The following BOP1 variants were observed in gnomAD, a reference collection of about 807,000 sequenced individuals.
BOP1 encodes BOP1 ribosomal biogenesis factor.
A neutral mutation model predicts 82.9 loss-of-function variants in BOP1; 54 were observed. That is an observed-to-expected ratio of 0.65 (90% CI 0.52 to 0.82). The LOEUF is 0.82. BOP1 is among the 40% of genes least tolerant of loss of function. The probability of loss-of-function intolerance (pLI) is 0.00; values close to 1 mark genes in which losing one functional copy is unlikely to be tolerated. For missense variants in BOP1, 1,170 were observed against 1,072.0 expected, an observed-to-expected ratio of 1.09 and a Z score of -1.28; for synonymous variants, 566 against 451.1, an observed-to-expected ratio of 1.25 and a Z score of -3.23.
chr8:144,266,498 C>CG (rs1482408579), intron 3 of BOP1: 67 of 986,934 alleles, frequency 6.8e-5, no homozygotes, highest in Middle Eastern at 1.0e-3. Flanking sequence ...GCTGCCACCG[C>CG]GGGGCGCAGC....
chr8:144,268,552 A>C, intron 3 of BOP1: 1 of 253,876 alleles, frequency 3.9e-6, no homozygotes, highest in Non-Finnish European at 7.6e-6. Flanking sequence ...CTCCATTCCC[A>C]CCCTTGGTGG....
chr8:144,270,228 G>C (rs1845470203), intron 3 of BOP1, among the ~76,000 whole-genome samples: 1 of 152,226 alleles, frequency 6.6e-6, no homozygotes, highest in Non-Finnish European at 1.5e-5. Context: ...GAATGCAGGA[G>C]GCCAGACAGG....
chr8:144,265,234 GTCT>G, intron 3 of BOP1, 163 bp from the exon 4 acceptor site: 4 of 813,646 alleles, frequency 4.9e-6, no homozygotes, highest in Non-Finnish European at 7.6e-6. Flanking sequence ...CAGCCCTGGG[GTCT>G]GACGTGGCAT....
At chr8:144,277,832 C>CAGGCAGGGGCGGTGCAGG (rs1588600619) in intron 2 of BOP1, among the ~76,000 whole-genome samples, 4 of 55,932 alleles carry the variant, frequency 7.2e-5, no homozygotes, top group South Asian at 5.9e-4. Flanking sequence ...GCAGGGGCGG[C>CAGGCAGGGGCGGTGCAGG]CACTGCTGGG....
At position 144,264,208 on chromosome 8, in the gene BOP1, C is replaced by G; in HGVS notation, c.978+17G>C. ...AAGCATGGGGACAGGGTCCCGGCCC[C>G]CAGGATGCAGGCCCACCTCCTCCTC... On this transcript the variant is annotated intron_variant, in intron 7 of 15. Transcript: ENST00000569669. The G allele has an allele frequency of 6.2e-7, 1 of 1,607,490 alleles. No individual in the cohort carries two copies. The highest frequency in any genetic ancestry group is 8.5e-7 in the Non-Finnish European group (1 of 1,177,986).
chr8:144,262,696 G>A (rs1845236790), intron 13 of BOP1, 24 bp from the exon 14 acceptor site: 1 of 1,611,428 alleles, frequency 6.2e-7, no homozygotes. Context: ...CTGTGATGCA[G>A]GTGTTCCCGC....
At chr8:144,272,225 C>G (rs1293583009) in intron 3 of BOP1, among the ~76,000 whole-genome samples, 1 of 152,102 alleles carries the variant, frequency 6.6e-6, no homozygotes, top group African/African-American at 2.4e-5. Context: ...CCCCACAACT[C>G]AGAGCTACAA....
chr8:144,264,002 G>A lies in BOP1; in HGVS notation c.1119C>T (p.Cys373=), dbSNP rs1383493541. 53 of 1,609,132 alleles carry A rather than the reference G, an allele frequency of 3.3e-5. No homozygotes were observed. The highest frequency in any genetic ancestry group is 4.3e-5 in the Non-Finnish European group (51 of 1,179,798). ...RFERCLDLYL[C]PRQRKMRVNV... is the part of the protein sequence containing the mutation. ...ACACCCTCATCTTGCGCTGCCGTGG[G>A]CACAGGTACAGGTCAAGGCAGCGCT... The change falls in exon 8 of 16, where the codon TGC becomes TGT. Residue 373 remains cysteine (C), a synonymous_variant. Coordinates refer to ENST00000569669, the MANE Select transcript of BOP1 (RefSeq NM_015201.5).
chr8:144,279,956 C>T (rs747868863), intron 2 of BOP1, among the ~76,000 whole-genome samples: 26 of 152,180 alleles, frequency 1.7e-4, no homozygotes, highest in Non-Finnish European at 3.2e-4. Flanking sequence ...AGGATGTGAG[C>T]TGAGTGTCGA....
rs782789897 is a variant in BOP1, at chr8:144,289,236, C to T, written c.168G>A (p.Glu56=). Residue 56 remains glutamate (E), a synonymous_variant, in exon 2 of 16, where the codon GAG becomes GAA. Coordinates refer to ENST00000569669, the MANE Select transcript of BOP1 (RefSeq NM_015201.5). The part of the protein sequence containing the change: ...TGSDSGVSDS[E]ESVFSGLEDS... ...CTTCCAGGCCTGAGAACACACTTTC[C>T]TCGCTGTCGGAGACGCCAGAATCGC... 2.5e-6 allele frequency: 4 copies of T among 1,613,964 alleles called. No individual in the cohort carries two copies. Among genetic ancestry groups the T allele is most frequent in the Non-Finnish European group, 3.4e-6 (4 of 1,179,966 alleles).
Position 144,291,326 on chromosome 8 carries a change from C to T in BOP1, c.45G>A (p.Val15=). ...RGAGRTAAPS[V]RPEKRRSEPE... ...GCTCAGACCGCCGCTTCTCCGGCCG[C>T]ACGCTCGGCGCCGCCGTGCGCCCCG... is the stretch of plus-strand genomic sequence containing the variant. The change falls in exon 1 of 16, where the codon GTG becomes GTA. Residue 15 remains valine, a synonymous_variant. Coordinates refer to ENST00000569669, the MANE Select transcript of BOP1 (RefSeq NM_015201.5). The surrounding 1 kb of genome is among the most constrained non-coding windows in gnomAD (Gnocchi z 4.1). 1 of 1,431,244 alleles carries T rather than the reference C, an allele frequency of 7.0e-7. No individual in the cohort carries two copies. Among genetic ancestry groups the T allele is most frequent in the South Asian group, 1.3e-5 (1 of 74,396 alleles). The allele number at this position is 1,431,244 out of a possible 1,614,324, so 88.7% of individuals were successfully genotyped here. A position where few individuals can be genotyped will look rare whatever the true frequency, so the allele number is the denominator to read the frequency against.
chr8:144,275,893 G>A (rs1411461580), intron 3 of BOP1, among the ~76,000 whole-genome samples: 3 of 121,838 alleles, frequency 2.5e-5, no homozygotes, highest in Admixed American at 9.5e-5. Context: ...TGCACGCCAC[G>A]CCCAGGGAGC....
Position 144,264,354 on chromosome 8 carries a change from C to T in BOP1, c.849G>A (p.Leu283=). 6.2e-7 allele frequency: 1 copy of T among 1,606,892 alleles called. No homozygotes were observed. Among genetic ancestry groups the T allele is most frequent in the Admixed American group, 1.7e-5 (1 of 59,978 alleles). The change falls in exon 7 of 16, where the codon CTG becomes CTA. Residue 283 remains leucine (L), a synonymous_variant. Transcript: ENST00000569669. ...PRDPTPSFYD[L]WAQEDPNAVL... ...CGGCGTTGGGGTCCTCCTGGGCCCA[C>T]AGGTCATAGAAGCTGGGGGTGGGGT...
intron 2 of BOP1, among the ~76,000 whole-genome samples, chr8:144,287,578 G>A (rs1216930614): frequency 2.0e-5 from 3 of 151,976 alleles, no homozygotes; most frequent in Admixed American, 6.6e-5. Context: ...ATAGCTCACT[G>A]TGACCTGGAT....
rs1448010820 is a variant in BOP1, at chr8:144,266,850, G to A, written c.391-1779C>T. 2.2e-5 allele frequency: 31 copies of A among 1,388,084 alleles called. No homozygotes were observed. In the South Asian group the frequency reaches 3.0e-4, roughly 13 times the overall value. The allele number at this position is 1,388,084 out of a possible 1,614,324, so 86.0% of individuals were successfully genotyped here. A position where few individuals can be genotyped will look rare whatever the true frequency, so the allele number is the denominator to read the frequency against. ...GCCGTGAGCCCCGGCAGCGGCACAC[G>A]GCGAACGCGCGCGAGCGAGACCGCA... On this transcript the variant is annotated intron_variant, in intron 3 of 15. Coordinates refer to ENST00000569669, the MANE Select transcript of BOP1 (RefSeq NM_015201.5).
intron 3 of BOP1, among the ~76,000 whole-genome samples, chr8:144,267,838 C>T (rs1381108660): frequency 6.6e-6 from 1 of 152,214 alleles, no homozygotes; most frequent in East Asian, 1.9e-4. Context: ...GGAGAAAATA[C>T]GGCACGGCTT....
intron 3 of BOP1, among the ~76,000 whole-genome samples, chr8:144,270,378 G>C (rs1481925995): frequency 6.6e-6 from 1 of 152,160 alleles, no homozygotes; most frequent in Non-Finnish European, 1.5e-5. Context: ...AGTGAACAGG[G>C]AACAACGACC....
chr8:144,262,127 T>C lies in BOP1; in HGVS notation c.*37A>G. The C allele has an allele frequency of 6.2e-7, 1 of 1,610,828 alleles. No individual in the cohort carries two copies. The highest frequency in any genetic ancestry group is 8.5e-7 in the Non-Finnish European group (1 of 1,179,754). On this transcript the variant is annotated 3_prime_UTR_variant, in exon 16 of 16. Coordinates refer to ENST00000569669, the MANE Select transcript of BOP1 (RefSeq NM_015201.5). ...GCACAGGGTAAAGGCTCTGTTGACT[T>C]CAGCACGACCACCCCAGCCCCAGGC...
intron 2 of BOP1, among the ~76,000 whole-genome samples, chr8:144,282,183 G>C (rs1845696426): frequency 6.6e-6 from 1 of 152,226 alleles, no homozygotes; most frequent in South Asian, 2.1e-4. Flanking sequence ...GCCGGCAGGA[G>C]GCAGCTTCCT....
Sources: gnomAD v4.1 joint callset for allele counts (sites outside exome capture counted in the v4.1 genomes callset) on GRCh38, gnomAD v4.1.1 for gene constraint, Gnocchi (gnomAD v3.1) non-coding constraint, MANE v1.5 for transcripts, NCBI Gene and HGNC (gene_info 2026-07-23, HGNC 2026-07-21) for gene names.